The following PNISR variants were observed in gnomAD, a reference collection of about 807,000 sequenced individuals.
PNISR encodes PNN interacting serine and arginine rich protein.
In PNISR, 20 loss-of-function variants were observed where a neutral mutation model predicts 93.4. The ratio of observed to expected loss-of-function variants is 0.21; its 90% CI spans 0.15 to 0.31. The LOEUF (loss-of-function observed/expected upper bound fraction) is 0.31, where lower values mean the gene tolerates loss of function less well. Among genes scored for constraint, PNISR ranks in the 10% least tolerant of loss-of-function variants. PNISR has a pLI of 1.00. For synonymous variants in PNISR, 305 were observed against 306.5 expected, an observed-to-expected ratio of 0.99 and a Z score of 0.05; for missense variants, 893 against 985.4, an observed-to-expected ratio of 0.91 and a Z score of 1.25.
In PNISR at chr6:99,400,709, T is replaced by A. The variant is rs575686103; in HGVS notation, c.2249A>T (p.Lys750Ile). 3.1e-6 allele frequency: 5 copies of A among 1,613,288 alleles called. No homozygotes were observed. In the African/African-American group the frequency reaches 6.7e-5, roughly 22 times the overall value. ...TCCACTAGAATCAGAGCCTGAATGTTTTTTACTATCTTTGGTAGTACTTTT... is the reference window on the plus strand; with the variant it reads ...TCCACTAGAATCAGAGCCTGAATGTATTTTACTATCTTTGGTAGTACTTTT... ...SKKSTTKDSK[K>I]HSGSDSSGRS... is the part of the protein sequence containing the mutation. Residue 750 changes from lysine to isoleucine, a missense_variant, in exon 12 of 12, where the codon AAA (lysine) becomes ATA (isoleucine). This residue lies in a region of PNISR where 866 missense variants were observed against 935.1 expected (regional missense o/e 0.93). Transcript: ENST00000369239.
rs760191586 is a variant in PNISR, at chr6:99,400,765, G to T, written c.2193C>A (p.Ile731=). ...FSRSGSISVK[I]IRHDSRQDSK... ...TATCCTGTCTAGAATCATGTCTTATGATTTTAACAGATATAGAACCACTCC... is the reference window on the plus strand; with the variant it reads ...TATCCTGTCTAGAATCATGTCTTATTATTTTAACAGATATAGAACCACTCC... Residue 731 remains isoleucine, a synonymous_variant, in exon 12 of 12, where the codon ATC becomes ATA. Coordinates refer to ENST00000369239, the MANE Select transcript of PNISR (RefSeq NM_032870.4). 3.1e-5 allele frequency: 50 copies of T among 1,609,576 alleles called. No individual in the cohort carries two copies. The African/African-American group carries it at 5.6e-4, about 18-fold the overall frequency.
intron 1 of PNISR, among the ~76,000 whole-genome samples, chr6:99,417,779 A>T (rs977430544): frequency 1.3e-5 from 2 of 152,002 alleles, no homozygotes; most frequent in African/African-American, 4.8e-5. Flanking sequence ...CAGCCTGACC[A>T]ACATGGTGAA....
rs769312964 is a variant in PNISR, at chr6:99,424,971, G to C, written c.-112+244C>G. On this transcript the variant is annotated intron_variant, in intron 1 of 11. Transcript: ENST00000369239. The stretch of plus-strand genomic sequence containing the variant: ...ACAATTAGTCCCTTCTCGTCCGAGA[G>C]GAAACTCTGTGAGAAGATGGGACCG... 1.1e-5 allele frequency: 4 copies of C among 352,882 alleles called. No homozygotes were observed. In the East Asian group the frequency reaches 1.7e-4, roughly 15 times the overall value. 21.9% of individuals were successfully genotyped at this position (352,882 alleles called of 1,614,324 possible).
chr6:99,411,585 T>C (rs1222686019), intron 4 of PNISR, among the ~76,000 whole-genome samples: 6 of 149,644 alleles, frequency 4.0e-5, no homozygotes, highest in African/African-American at 1.5e-4. Flanking sequence ...AGAATATTTA[T>C]GTTTTTAAAA....
chr6:99,421,960 G>C (rs899820827), intron 1 of PNISR, among the ~76,000 whole-genome samples: 1 of 152,074 alleles, frequency 6.6e-6, no homozygotes, highest in African/African-American at 2.4e-5. Flanking sequence ...CCACCTCCCA[G>C]GTTCAAGCAA....
rs766739502 is a variant in PNISR at position 99,414,621 on chromosome 6, G to A, written c.39C>T (p.Pro13=). 1 of 1,608,972 alleles carries A rather than the reference G, an allele frequency of 6.2e-7. No homozygotes were observed. The highest frequency in any genetic ancestry group is 1.3e-5 in the African/African-American group (1 of 74,840). ...ACTGCATCCATTGTTGCTGGTTCAAGGGCCACTGCTGCCAAGGCTGTCCTC... is the reference window on the plus strand; with the variant it reads ...ACTGCATCCATTGTTGCTGGTTCAAAGGCCACTGCTGCCAAGGCTGTCCTC... The part of the protein sequence containing the change: ...DQGGQPWQQW[P]LNQQQWMQSF... The change falls in exon 3 of 12, where the codon CCC becomes CCT. Residue 13 remains proline, a synonymous_variant. Transcript: ENST00000369239.
chr6:99,408,038 C>T (rs1468123596), intron 7 of PNISR, 43 bp downstream of exon 7: 1 of 1,442,308 alleles, frequency 6.9e-7, no homozygotes, highest in South Asian at 1.3e-5. Flanking sequence ...TTTCACACAA[C>T]CAAGATTTTC....
chr6:99,416,157 A>C (rs777777068), intron 2 of PNISR, 192 bp downstream of exon 2: 79 of 372,788 alleles, frequency 2.1e-4, no homozygotes, highest in Non-Finnish European at 3.0e-4. Context: ...ATTTTTTTCT[A>C]ACCTCTGTTC....
At chr6:99,424,142 T>A (rs1211959813) in intron 1 of PNISR, among the ~76,000 whole-genome samples, 1 of 152,166 alleles carries the variant, frequency 6.6e-6, no homozygotes, top group African/African-American at 2.4e-5. Context: ...CAGCCAAGAA[T>A]ATACAGCCTA....
rs560740585 is a variant in PNISR at position 99,425,239 on chromosome 6, G to T, written c.-136C>A. ...CCCACTCTAGTTCGGGAACACCCTT[G>T]TCGCCGCCGTTCCGGTAACACCTCT... On this transcript the variant is annotated 5_prime_UTR_variant, in exon 1 of 12. Coordinates refer to ENST00000369239, the MANE Select transcript of PNISR (RefSeq NM_032870.4). 4 of 1,232,036 alleles carry T rather than the reference G, an allele frequency of 3.2e-6. No individual in the cohort carries two copies. The highest frequency in any genetic ancestry group is 4.0e-6 in the Non-Finnish European group (4 of 987,960). 76.3% of individuals were successfully genotyped at this position (1,232,036 alleles called of 1,614,324 possible).
intron 3 of PNISR, among the ~76,000 whole-genome samples, chr6:99,413,426 CCATCCATCCATT>C (rs1317475700): frequency 3.5e-4 from 53 of 150,930 alleles, no homozygotes; most frequent in East Asian, 3.1e-3. Context: ...ATCCATCCAT[CCATCCATCCATT>C]CATCCATGAT....
intron 3 of PNISR, among the ~76,000 whole-genome samples, 195 bp from the exon 4 acceptor site, chr6:99,412,934 A>C (rs1777141511): frequency 6.6e-6 from 1 of 152,180 alleles, no homozygotes; most frequent in Admixed American, 6.5e-5. Context: ...AAGGGTACTT[A>C]GCAAATAACC....
intron 1 of PNISR, among the ~76,000 whole-genome samples, chr6:99,417,658 TA>T (rs1240227553): frequency 6.6e-6 from 1 of 151,970 alleles, no homozygotes; most frequent in African/African-American, 2.4e-5. Flanking sequence ...TAACAACTAT[TA>T]GGGGGTTTTA....
chr6:99,414,961 A>T (rs940533952), intron 2 of PNISR: 2 of 180,924 alleles, frequency 1.1e-5, no homozygotes, highest in Non-Finnish European at 2.3e-5. Flanking sequence ...GTACAATATA[A>T]ATTTCTGGAT....
chr6:99,412,771 A>G (rs1315006366), intron 3 of PNISR, 32 bp from the exon 4 acceptor site: 2 of 1,348,710 alleles, frequency 1.5e-6, no homozygotes, highest in African/African-American at 2.9e-5. Flanking sequence ...TTCAGCATTC[A>G]GAATGTAGGA....
At position 99,402,431 on chromosome 6, in the gene PNISR, A is replaced by G. The variant is rs188860707; in HGVS notation, c.1327+109T>C. 5.5e-5 allele frequency: 45 copies of G among 817,656 alleles called. No individual in the cohort carries two copies. The African/African-American group carries it at 6.0e-4, about 11-fold the overall frequency. The allele number at this position is 817,656 out of a possible 1,614,324, so 50.7% of individuals were successfully genotyped here. The stretch of plus-strand genomic sequence containing the variant: ...GACTTTAGTTTCAGTTATATCACAT[A>G]TTATTTATAATATAGCCTTTATTTT... On this transcript the variant is annotated intron_variant, in intron 11 of 11. Transcript: ENST00000369239.
At chr6:99,419,459 C>T (rs895701008) in intron 1 of PNISR, among the ~76,000 whole-genome samples, 2 of 152,038 alleles carry the variant, frequency 1.3e-5, no homozygotes, top group East Asian at 1.9e-4. Flanking sequence ...TATTACCGTA[C>T]AAACTGCATT....
At position 99,402,611 on chromosome 6, in the gene PNISR, A is replaced by T. The variant is rs768055139; in HGVS notation, c.1256T>A (p.Ile419Asn). ...CCAAAAAGCTTCCTGTTTTTGCCGG[A>T]TTCGATGCCGTAATTCTTCATCATC... ...DTDDEELRHR[I>N]RQKQEAFWRK... The change falls in exon 11 of 12, where the codon ATC (isoleucine) becomes AAC (asparagine). Residue 419 changes from isoleucine (I) to asparagine (N), a missense_variant. Ile to Asn is a moderately radical substitution (Grantham distance 149, BLOSUM62 -3). This residue lies in a region of PNISR where 866 missense variants were observed against 935.1 expected (regional missense o/e 0.93). Coordinates refer to ENST00000369239, the MANE Select transcript of PNISR (RefSeq NM_032870.4). The T allele has an allele frequency of 1.2e-6, 2 of 1,613,680 alleles. No individual in the cohort carries two copies. Among genetic ancestry groups the T allele is most frequent in the Non-Finnish European group, 8.5e-7 (1 of 1,179,720 alleles).
chr6:99,405,014 A>C (rs2128481179), intron 8 of PNISR, among the ~76,000 whole-genome samples: 1 of 152,228 alleles, frequency 6.6e-6, no homozygotes, highest in Admixed American at 6.5e-5. Context: ...CCTGATCTCA[A>C]GTGATCTGCC....
Sources: gnomAD v4.1 joint callset for allele counts (sites outside exome capture counted in the v4.1 genomes callset) on GRCh38, gnomAD v4.1.1 for gene constraint, gnomAD v4.1.1 regional missense constraint, MANE v1.5 for transcripts, NCBI Gene and HGNC (gene_info 2026-07-23, HGNC 2026-07-21) for gene names.